Variants in TAF1 observed in about 807,000 individuals in gnomAD.
TAF1 encodes the protein TATA-box binding protein associated factor 1.
A neutral mutation model predicts 138.5 loss-of-function variants in TAF1; 2 were observed. The ratio of observed to expected loss-of-function variants is 0.01; its 90% CI spans 0.01 to 0.05. The LOEUF is 0.05. Among genes scored for constraint, TAF1 ranks in the 10% least tolerant of loss-of-function variants. The pLI is 1.00. For missense variants in TAF1, 709 were observed against 1,478.0 expected, an observed-to-expected ratio of 0.48 and a Z score of 8.53; for synonymous variants, 437 against 503.2, an observed-to-expected ratio of 0.87 and a Z score of 1.76.
rs1270283560 is a variant in TAF1, at chrX:71,464,091, C to G, written c.*45C>G. The G allele has an allele frequency of 9.0e-7, 1 of 1,109,139 alleles. No homozygotes were observed. The highest frequency in any genetic ancestry group is 1.2e-6 in the Non-Finnish European group (1 of 823,798). The allele number at this position is 1,109,139 out of a possible 1,213,427, so 91.4% of individuals were successfully genotyped here. ...TGGTCAGCCTTCCCTGTTCTCCAGC[C>G]TAGGTGGTTCACCTTTCCCCAATTT... On this transcript the variant is annotated 3_prime_UTR_variant, in exon 38 of 38. Transcript: ENST00000423759.
At chrX:71,512,799 CAG>C (rs202011193) in intron 13 of TAF1, among the ~76,000 whole-genome samples, 1,211 of 110,942 alleles carry the variant, frequency 0.011, 14 homozygotes, top group African/African-American at 0.038. Context: ...GCCTGGACAA[CAG>C]AGCATGACTC....
At chrX:71,516,641 T>TA (rs35879951) in intron 13 of TAF1, among the ~76,000 whole-genome samples, 3,921 of 83,565 alleles carry the variant, frequency 0.047, 200 homozygotes, top group African/African-American at 0.13. Flanking sequence ...GACCCCGTCT[T>TA]AAAAAAAAAA....
At chrX:71,452,425 G>A (rs1172682143) in intron 32 of TAF1, among the ~76,000 whole-genome samples, 2 of 111,326 alleles carry the variant, frequency 1.8e-5, no homozygotes, top group East Asian at 5.7e-4. Flanking sequence ...CCCAGACGGG[G>A]TGGCGGGGCA....
chrX:71,432,140 GAAGT>G (rs2036922337), intron 32 of TAF1, among the ~76,000 whole-genome samples: 1 of 110,595 alleles, frequency 9.0e-6, no homozygotes, highest in African/African-American at 3.3e-5. Context: ...GAATGAATGG[GAAGT>G]AAGAAAGTAG....
chrX:71,445,562 G>A (rs932100712), intron 32 of TAF1, among the ~76,000 whole-genome samples: 3 of 111,657 alleles, frequency 2.7e-5, no homozygotes, highest in African/African-American at 9.8e-5. Flanking sequence ...AGTTGAGTGT[G>A]TTGGCTTATT....
chrX:71,526,485 G>T (rs2039999581), intron 13 of TAF1, among the ~76,000 whole-genome samples: 1 of 111,823 alleles, frequency 8.9e-6, no homozygotes, highest in Admixed American at 9.5e-5. Flanking sequence ...CTTAAAAAGA[G>T]GACAAACCAC....
At chrX:71,393,664 A>G (rs2034693687) in intron 21 of TAF1, among the ~76,000 whole-genome samples, 188 bp downstream of exon 21, 1 of 111,618 alleles carries the variant, frequency 9.0e-6, no homozygotes, top group Admixed American at 9.6e-5. Context: ...CCAACTTGGC[A>G]AAATTTTTGA....
chrX:71,392,932 C>T lies in TAF1; in HGVS notation c.2989C>T (p.Arg997Cys). 1 of 1,211,228 alleles carries T rather than the reference C, an allele frequency of 8.3e-7. No individual in the cohort carries two copies. Among genetic ancestry groups the T allele is most frequent in the Non-Finnish European group, 1.1e-6 (1 of 895,403 alleles). ...AGTGACAGGAACAGATGCAGACCTTCGTCGCCTTTCCCTGAAAAATGCCAA... is the reference window on the plus strand; with the variant it reads ...AGTGACAGGAACAGATGCAGACCTTTGTCGCCTTTCCCTGAAAAATGCCAA... ...KTVTGTDADL[R>C]RLSLKNAKQL... The change falls in exon 20 of 38, where the codon CGT becomes TGT. Residue 997 changes from arginine to cysteine, a missense_variant. Physicochemically the swap from Arg to Cys is radical, Grantham distance 180 (BLOSUM62 -3). This residue lies in a region of TAF1 where 31 missense variants were observed against 140.4 expected (regional missense o/e 0.22). Transcript: ENST00000423759.
chrX:71,422,554 G>A (rs1294912318), intron 29 of TAF1, among the ~76,000 whole-genome samples: 1 of 104,126 alleles, frequency 9.6e-6, no homozygotes, highest in East Asian at 3.0e-4. Context: ...TCGAGTTCCT[G>A]GCCTCATATG....
chrX:71,502,262 C>A (rs937366161), intron 13 of TAF1, among the ~76,000 whole-genome samples: 1 of 110,171 alleles, frequency 9.1e-6, no homozygotes, highest in African/African-American at 3.3e-5. Flanking sequence ...TGCTGATTGG[C>A]GCATTTACAA....
intron 13 of TAF1, among the ~76,000 whole-genome samples, chrX:71,489,546 C>A: frequency 9.1e-6 from 1 of 110,300 alleles, no homozygotes; most frequent in Non-Finnish European, 1.9e-5. Context: ...CATGGTGGCA[C>A]ATGCCTGTAA....
chrX:71,455,378 TGA>T (rs1569368603), intron 34 of TAF1, among the ~76,000 whole-genome samples: 1 of 111,975 alleles, frequency 8.9e-6, no homozygotes, highest in Non-Finnish European at 1.9e-5. Flanking sequence ...GTCAAAAGAA[TGA>T]GAGAGCAGGA....
chrX:71,403,682 TG>T (rs1437912282), intron 25 of TAF1, among the ~76,000 whole-genome samples: 1 of 111,397 alleles, frequency 9.0e-6, no homozygotes, highest in Non-Finnish European at 1.9e-5. Context: ...GTTATTTCAG[TG>T]GGGGTTCCAA....
At chrX:71,410,417 A>G (rs1419439440) in intron 28 of TAF1, among the ~76,000 whole-genome samples, 4 of 105,694 alleles carry the variant, frequency 3.8e-5, no homozygotes, top group Non-Finnish European at 7.8e-5. Flanking sequence ...AAAATAAAAG[A>G]GGAAGATGAC....
intron 32 of TAF1, among the ~76,000 whole-genome samples, chrX:71,431,830 C>A (rs936229387): frequency 9.3e-6 from 1 of 108,058 alleles, no homozygotes; most frequent in Non-Finnish European, 1.9e-5. Context: ...GCAGGAGAAT[C>A]ACTTGAATCC....
chrX:71,438,026 G>A (rs747341216), intron 32 of TAF1, among the ~76,000 whole-genome samples: 1 of 109,186 alleles, frequency 9.2e-6, no homozygotes, highest in South Asian at 4.0e-4. Flanking sequence ...AGTAGAGACG[G>A]GGTTTCACCA....
intron 33 of TAF1, 58 bp downstream of exon 33, chrX:71,454,295 CA>C: frequency 1.9e-6 from 2 of 1,068,519 alleles, no homozygotes; most frequent in Non-Finnish European, 2.6e-6. Context: ...CCCATCTTTA[CA>C]AAAAAAGATT....
In TAF1 at chrX:71,460,709, A is replaced by T; in HGVS notation, c.5305A>T (p.Asn1769Tyr). The change falls in exon 37 of 38, where the codon AAC becomes TAC. Residue 1769 changes from asparagine to tyrosine, a missense_variant. By Grantham distance (143) the Asn-to-Tyr change is moderately radical. Coordinates refer to ENST00000423759, the MANE Select transcript of TAF1 (RefSeq NM_004606.5). ...CAAACAACCCCGCATGCTTCAGGAG[A>T]ACACAAGGATGGACATGGAAAATGA... ...RPKQPRMLQE[N>Y]TRMDMENEES... 1 of 1,210,360 alleles carries T rather than the reference A, an allele frequency of 8.3e-7. No homozygotes were observed. Among genetic ancestry groups the T allele is most frequent in the South Asian group, 1.8e-5 (1 of 56,559 alleles).
chrX:71,370,326 C>G (rs1007589223), intron 3 of TAF1, among the ~76,000 whole-genome samples: 1 of 111,014 alleles, frequency 9.0e-6, no homozygotes, highest in Admixed American at 9.6e-5. Flanking sequence ...CTGCCCTGTT[C>G]TACCTCTCAC....
Sources: allele counts gnomAD v4.1 joint callset (sites outside exome capture counted in the v4.1 genomes callset), GRCh38; gene constraint gnomAD v4.1.1; regional missense constraint gnomAD v4.1.1; transcripts MANE v1.5; gene names NCBI Gene and HGNC (gene_info 2026-07-23, HGNC 2026-07-21).